The following CELF2 variants were observed in gnomAD, a reference collection of about 807,000 sequenced individuals.
CELF2 encodes the protein CUGBP Elav-like family member 2, also known as CUG triplet repeat RNA-binding protein 2.
A neutral mutation model predicts 62.6 loss-of-function variants in CELF2; 8 were observed. That is an observed-to-expected ratio of 0.13 (90% CI 0.07 to 0.23). The LOEUF (loss-of-function observed/expected upper bound fraction) is 0.23, where lower values mean the gene tolerates loss of function less well. Among genes scored for constraint, CELF2 ranks in the 10% least tolerant of loss-of-function variants. CELF2 has a pLI of 1.00. For missense variants in CELF2, 333 were observed against 671.0 expected (o/e 0.50, Z 5.56); for synonymous variants, 258 against 250.0 (o/e 1.03, Z -0.30).
chr10:11,027,195 C>T (rs190214134), intron 1 of CELF2, among the ~76,000 whole-genome samples: 1 of 152,206 alleles, frequency 6.6e-6, no homozygotes, highest in Non-Finnish European at 1.5e-5. Context: ...AGCTCTGTCT[C>T]AAAGCAGTTT....
At position 10,997,156 on chromosome 10, in the gene CELF2, C is replaced by T. The variant is rs1045068555; in HGVS notation, c.89+77157C>T. Among the ~76,000 whole-genome samples the T allele has an allele frequency of 8.5e-5, 13 of 152,110 alleles. No individual in the cohort carries two copies. The highest frequency in any genetic ancestry group is 1.4e-4 in the African/African-American group (6 of 41,410). ...ACGTACTGCATGTGTCAGCTTGGGC[C>T]GTTTTTAATCTGCCAGGCCCTTGTG... On this transcript the variant is annotated intron_variant, in intron 2 of 13. Transcript: ENST00000636488. The surrounding 1 kb of genome is among the most constrained non-coding windows in gnomAD (Gnocchi z 5.3).
chr10:10,899,090 G>A (rs1324211292), intron 1 of CELF2, among the ~76,000 whole-genome samples: 1 of 152,110 alleles, frequency 6.6e-6, no homozygotes, highest in Non-Finnish European at 1.5e-5. Context: ...CAGTATTGTG[G>A]GGGATCTTTT....
chr10:10,986,442 G>C (rs1487182261), intron 2 of CELF2, among the ~76,000 whole-genome samples: 1 of 152,130 alleles, frequency 6.6e-6, no homozygotes, highest in African/African-American at 2.4e-5. Context: ...GTTTTCATAT[G>C]AGATAAATGC....
At chr10:10,770,210 T>C in the CELF2 span, among the ~76,000 whole-genome samples, 1 of 152,060 alleles carries the variant, frequency 6.6e-6, no homozygotes, top group Non-Finnish European at 1.5e-5. Flanking sequence ...CATAATTAGT[T>C]TTGGATATGT....
At chr10:10,698,416 T>C in the CELF2 span, among the ~76,000 whole-genome samples, 1 of 152,170 alleles carries the variant, frequency 6.6e-6, no homozygotes, top group Non-Finnish European at 1.5e-5. Flanking sequence ...ACAAGGAGGA[T>C]TAATAAGAAA....
the CELF2 span, among the ~76,000 whole-genome samples, chr10:10,569,472 A>G: frequency 6.6e-6 from 1 of 152,166 alleles, no homozygotes; most frequent in Admixed American, 6.5e-5. Flanking sequence ...CTCCCACAAC[A>G]CATAGGAATT....
the CELF2 span, among the ~76,000 whole-genome samples, chr10:10,680,528 A>G: frequency 1.3e-5 from 2 of 152,194 alleles, no homozygotes; most frequent in East Asian, 1.9e-4. Flanking sequence ...TGTATGCTAT[A>G]GGCCAACCAC....
chr10:11,081,013 T>G (rs1005131679), intron 1 of CELF2, among the ~76,000 whole-genome samples: 1 of 152,210 alleles, frequency 6.6e-6, no homozygotes, highest in African/African-American at 2.4e-5. Context: ...CTGGTTGAAT[T>G]TCTCAGATGT....
intron 2 of CELF2, among the ~76,000 whole-genome samples, chr10:10,996,400 A>C (rs1397293591): frequency 6.6e-6 from 1 of 152,206 alleles, no homozygotes; most frequent in African/African-American, 2.4e-5. Context: ...CGGTGAAGGC[A>C]AGGATTTTAT....
At chr10:10,899,686 C>T (rs1286383351) in intron 1 of CELF2, among the ~76,000 whole-genome samples, 6 of 152,198 alleles carry the variant, frequency 3.9e-5, no homozygotes, top group African/African-American at 1.4e-4. Flanking sequence ...CATGGTTCTG[C>T]AGGCTGTACA....
chr10:10,855,623 T>G (rs2059660419), intron 1 of CELF2, among the ~76,000 whole-genome samples: 1 of 152,252 alleles, frequency 6.6e-6, no homozygotes, highest in Admixed American at 6.5e-5. Flanking sequence ...CCATTCATTC[T>G]GCTGCAGGTC....
intron 1 of CELF2, among the ~76,000 whole-genome samples, chr10:11,142,223 GA>G (rs1479847585): frequency 1.3e-5 from 2 of 152,236 alleles, no homozygotes; most frequent in Non-Finnish European, 2.9e-5. Context: ...AGCAAATTCT[GA>G]TTTGGAAACG....
intron 1 of CELF2, among the ~76,000 whole-genome samples, chr10:11,100,914 G>A (rs2051420591): frequency 1.3e-5 from 2 of 152,276 alleles, no homozygotes; most frequent in East Asian, 1.9e-4. Flanking sequence ...TCCGCATTAG[G>A]ATGCAGATGG....
intron 1 of CELF2, among the ~76,000 whole-genome samples, chr10:11,103,229 A>G (rs554027740): frequency 5.0e-4 from 76 of 152,070 alleles, no homozygotes; most frequent in Admixed American, 2.2e-3. Flanking sequence ...ACCCCACACC[A>G]TGCTTACATC....
the CELF2 span, among the ~76,000 whole-genome samples, chr10:10,697,147 A>T: frequency 6.6e-6 from 1 of 151,968 alleles, no homozygotes; most frequent in African/African-American, 2.4e-5. Flanking sequence ...GTCCACCCAT[A>T]GCAAGCATCT....
chr10:11,068,792 C>T (rs2068863459), intron 1 of CELF2, among the ~76,000 whole-genome samples: 1 of 151,922 alleles, frequency 6.6e-6, no homozygotes, highest in African/African-American at 2.4e-5. Flanking sequence ...GATCTCCTGA[C>T]CTCGTGATCC....
At chr10:10,878,196 C>T (rs960858155) in intron 1 of CELF2, among the ~76,000 whole-genome samples, 1 of 152,124 alleles carries the variant, frequency 6.6e-6, no homozygotes, top group Non-Finnish European at 1.5e-5. Context: ...TTAGATGACT[C>T]TAATAGAATC....
chr10:10,622,843 C>T, the CELF2 span, among the ~76,000 whole-genome samples: 2 of 151,768 alleles, frequency 1.3e-5, no homozygotes, highest in Non-Finnish European at 2.9e-5. Flanking sequence ...CCTGTAATCC[C>T]AGCACTTTGG....
chr10:10,585,380 T>C, the CELF2 span, among the ~76,000 whole-genome samples: 4 of 152,164 alleles, frequency 2.6e-5, no homozygotes, highest in African/African-American at 7.2e-5. Flanking sequence ...CTTTCCCTTC[T>C]GTCCTCTGTA....
Sources: allele counts gnomAD v4.1 joint callset (sites outside exome capture counted in the v4.1 genomes callset), GRCh38; gene constraint gnomAD v4.1.1; non-coding constraint Gnocchi (gnomAD v3.1); transcripts MANE v1.5; gene names NCBI Gene and HGNC (gene_info 2026-07-23, HGNC 2026-07-21).